KIAA1217: variants seen among roughly 807,000 people sequenced by gnomAD.
KIAA1217 encodes the protein KIAA1217.
KIAA1217 carries 88 observed loss-of-function variants against 163.9 expected under a neutral mutation model. The observed-to-expected ratio is 0.54, with a 90% CI of 0.45 to 0.64. The LOEUF (loss-of-function observed/expected upper bound fraction) is 0.64, where lower values mean the gene tolerates loss of function less well. Ranked by LOEUF, KIAA1217 falls within the 30% of genes least tolerant of loss-of-function variation. KIAA1217 has a pLI of 0.00. For missense variants in KIAA1217, 2,372 were observed against 2,475.0 expected (o/e 0.96, Z 0.88); for synonymous variants, 903 against 923.1 (o/e 0.98, Z 0.39).
intron 2 of KIAA1217, among the ~76,000 whole-genome samples, chr10:24,333,823 C>A (rs1329143511): frequency 3.3e-5 from 5 of 152,092 alleles, no homozygotes; most frequent in African/African-American, 9.7e-5. Flanking sequence ...GCTTCCAGGC[C>A]AAACAAAACT....
chr10:23,813,543 C>T (rs1274424366), intron 1 of KIAA1217, among the ~76,000 whole-genome samples: 1 of 151,788 alleles, frequency 6.6e-6, no homozygotes, highest in Non-Finnish European at 1.5e-5. Flanking sequence ...CCATATTATT[C>T]AAAATATTTG....
intron 2 of KIAA1217, among the ~76,000 whole-genome samples, chr10:24,146,433 A>T (rs2064315527): frequency 6.6e-6 from 1 of 152,244 alleles, no homozygotes; most frequent in Non-Finnish European, 1.5e-5. Context: ...TTAATTGGAC[A>T]CAATTTAATT....
chr10:24,527,124 AAGG>A, intron 13 of KIAA1217, among the ~76,000 whole-genome samples: 1 of 152,144 alleles, frequency 6.6e-6, no homozygotes, highest in East Asian at 1.9e-4. Flanking sequence ...GTGGAACTTA[AAGG>A]AGTTTACAGG....
chr10:24,418,919 G>C (rs1172863111), intron 3 of KIAA1217, among the ~76,000 whole-genome samples: 1 of 151,774 alleles, frequency 6.6e-6, no homozygotes, highest in Non-Finnish European at 1.5e-5. Flanking sequence ...GCTCACGCCT[G>C]TAATCCCAGC....
intron 10 of KIAA1217, among the ~76,000 whole-genome samples, chr10:24,513,774 G>C (rs1052608158): frequency 2.2e-5 from 3 of 134,070 alleles, no homozygotes; most frequent in Non-Finnish European, 4.7e-5. Flanking sequence ...AACACAGGGA[G>C]ATCCTGTCTC....
chr10:24,065,358 G>A (rs1454001783), intron 2 of KIAA1217, among the ~76,000 whole-genome samples: 1 of 152,040 alleles, frequency 6.6e-6, no homozygotes, highest in African/African-American at 2.4e-5. Flanking sequence ...GTTCTCGTTG[G>A]TTTCAAAGAA....
chr10:23,746,096 G>A (rs1839398939), intron 1 of KIAA1217, among the ~76,000 whole-genome samples: 1 of 152,222 alleles, frequency 6.6e-6, no homozygotes, highest in South Asian at 2.1e-4. Flanking sequence ...TGGAGCCTAA[G>A]AGGAGATGTT....
In KIAA1217 at chr10:24,520,229, G is replaced by A. The variant is rs1321274071; in HGVS notation, c.2284G>A (p.Gly762Arg). ...CGGGGCTTTCCTCCTGCGTCAAGTG[G>A]GAGAGGCTGTAGCTACCCTGAAAGG... is the stretch of plus-strand genomic sequence containing the variant. The part of the protein sequence containing the change: ...EDGAFLLRQV[G>R]EAVATLKGEF... Residue 762 changes from glycine (G) to arginine (R), a missense_variant, in exon 11 of 21, where the codon GGA becomes AGA. Gly to Arg is a moderately radical substitution (Grantham distance 125). This residue lies in a region of KIAA1217 where 1,431 missense variants were observed against 1,470.3 expected (regional missense o/e 0.97). Coordinates refer to ENST00000376454, the MANE Select transcript of KIAA1217 (RefSeq NM_019590.5). 1 of 1,614,000 alleles carries A rather than the reference G, an allele frequency of 6.2e-7. No individual in the cohort carries two copies. Among genetic ancestry groups the A allele is most frequent in the African/African-American group, 1.3e-5 (1 of 74,904 alleles).
chr10:24,222,421 A>G (rs570836868), intron 2 of KIAA1217, among the ~76,000 whole-genome samples: 1 of 152,314 alleles, frequency 6.6e-6, no homozygotes, highest in East Asian at 1.9e-4. Context: ...ACCCCAAGAG[A>G]GGGTTCTTGG....
chr10:24,441,254 T>A (rs1269120843), intron 5 of KIAA1217, among the ~76,000 whole-genome samples: 1 of 152,038 alleles, frequency 6.6e-6, no homozygotes, highest in African/African-American at 2.4e-5. Flanking sequence ...CTCCCCAGCC[T>A]CCAGAGACAG....
At chr10:24,220,754 C>CTTTTTT (rs58991505) in intron 2 of KIAA1217, among the ~76,000 whole-genome samples, 2 of 74,212 alleles carry the variant, frequency 2.7e-5, no homozygotes, top group African/African-American at 6.2e-5. Flanking sequence ...GCACCCCGGC[C>CTTTTTT]TTTTTTTTTT....
intron 1 of KIAA1217, among the ~76,000 whole-genome samples, chr10:23,809,741 T>G (rs1836904379): frequency 6.6e-6 from 1 of 151,932 alleles, no homozygotes; most frequent in Non-Finnish European, 1.5e-5. Flanking sequence ...AAAATAAATT[T>G]TAAAGAAAAA....
intron 9 of KIAA1217, among the ~76,000 whole-genome samples, chr10:24,502,919 A>G (rs1311232947): frequency 1.3e-5 from 2 of 152,160 alleles, no homozygotes; most frequent in African/African-American, 4.8e-5. Flanking sequence ...TGTGGAAGGC[A>G]GAGGTTGCAT....
chr10:24,375,347 T>C lies in KIAA1217; in HGVS notation c.355-5522T>C, dbSNP rs575725858. 6.3e-4 allele frequency among the ~76,000 whole-genome samples: 96 copies of C among 152,310 alleles called. No homozygotes were observed. The South Asian group carries it at 6.4e-3, about 10-fold the overall frequency. On this transcript the variant is annotated intron_variant, in intron 2 of 20. Coordinates refer to ENST00000376454, the MANE Select transcript of KIAA1217 (RefSeq NM_019590.5). The stretch of plus-strand genomic sequence containing the variant: ...GAGCAGAAAATGGGAAAAAGGCAAC[T>C]GCACTGTGGCTTGTAAAAAGGACTC...
chr10:23,864,453 C>G (rs772374064), intron 1 of KIAA1217, among the ~76,000 whole-genome samples: 2 of 151,342 alleles, frequency 1.3e-5, no homozygotes, highest in African/African-American at 2.4e-5. Flanking sequence ...TTTTACTGTA[C>G]TTTCTTTTAT....
At chr10:24,398,290 T>C (rs1673384395) in intron 3 of KIAA1217, among the ~76,000 whole-genome samples, 1 of 152,176 alleles carries the variant, frequency 6.6e-6, no homozygotes, top group African/African-American at 2.4e-5. Context: ...ATTAAGCTCT[T>C]CATCCCCATC....
intron 1 of KIAA1217, among the ~76,000 whole-genome samples, chr10:23,883,551 A>G (rs1841043711): frequency 1.3e-5 from 2 of 151,864 alleles, no homozygotes; most frequent in Admixed American, 6.6e-5. Flanking sequence ...GTCCTGACAC[A>G]TGCATAGCGT....
chr10:23,838,474 CT>C (rs1048877042), intron 1 of KIAA1217, among the ~76,000 whole-genome samples: 1 of 148,274 alleles, frequency 6.7e-6, no homozygotes, highest in Non-Finnish European at 1.5e-5. Context: ...TTTTTTTTTT[CT>C]TTTTTTGTGG....
intron 6 of KIAA1217, among the ~76,000 whole-genome samples, chr10:24,493,048 G>T (rs2066347540): frequency 6.6e-6 from 1 of 152,160 alleles, no homozygotes; most frequent in Non-Finnish European, 1.5e-5. Flanking sequence ...GTTTCACCAT[G>T]TTGGCCAGGC....
Sources: gnomAD v4.1 joint callset for allele counts (sites outside exome capture counted in the v4.1 genomes callset) on GRCh38, gnomAD v4.1.1 for gene constraint, gnomAD v4.1.1 regional missense constraint, MANE v1.5 for transcripts, NCBI Gene and HGNC (gene_info 2026-07-23, HGNC 2026-07-21) for gene names.